RAPH1: variants seen among roughly 807,000 people sequenced by gnomAD.
The protein encoded by RAPH1 is ras-associated and pleckstrin homology domains-containing protein 1.
RAPH1 carries 18 observed loss-of-function variants against 88.1 expected under a neutral mutation model. The ratio of observed to expected loss-of-function variants is 0.20; its 90% CI spans 0.14 to 0.30. The LOEUF (loss-of-function observed/expected upper bound fraction) is 0.30. Ranked by LOEUF, RAPH1 falls within the 10% of genes least tolerant of loss-of-function variation. RAPH1 has a pLI of 1.00. For missense variants in RAPH1, 1,448 were observed against 1,543.2 expected (o/e 0.94, Z 1.03); for synonymous variants, 587 against 559.0 (o/e 1.05, Z -0.71).
rs1689007093 is a variant in RAPH1 at position 203,506,529 on chromosome 2, C to CA, written c.1-11177dup. On this transcript the variant is annotated intron_variant, in intron 1 of 13. Transcript: ENST00000319170. ...AGCGAGACTCCGTCTCAAAAAAAAA[C>CA]AAAAAACAAAAAACAAAAAACAAGA... 3.4e-5 allele frequency among the ~76,000 whole-genome samples: 5 copies of CA among 148,344 alleles called. No homozygotes were observed. In the South Asian group the frequency reaches 1.1e-3, roughly 31 times the overall value.
intron 1 of RAPH1, among the ~76,000 whole-genome samples, chr2:203,516,683 G>C (rs1689624981): frequency 6.6e-6 from 1 of 151,996 alleles, no homozygotes; most frequent in African/African-American, 2.4e-5. Flanking sequence ...AGTGAGCTGA[G>C]ATAGCACCAC....
At chr2:203,494,108 CTT>C (rs1304087137) in intron 2 of RAPH1, among the ~76,000 whole-genome samples, 2 of 150,418 alleles carry the variant, frequency 1.3e-5, no homozygotes, top group African/African-American at 4.9e-5. Context: ...GAGTTTATCA[CTT>C]TGAATTCTAG....
intron 4 of RAPH1, among the ~76,000 whole-genome samples, chr2:203,471,335 C>A (rs911865452): frequency 2.6e-5 from 4 of 152,072 alleles, no homozygotes; most frequent in African/African-American, 4.8e-5. Context: ...TAGAGCAGCA[C>A]CCCCTATAAG....
chr2:203,461,063 C>T (rs1015155422), intron 6 of RAPH1, among the ~76,000 whole-genome samples, 186 bp downstream of exon 6: 1 of 151,908 alleles, frequency 6.6e-6, no homozygotes, highest in South Asian at 2.1e-4. Flanking sequence ...CTGCAGTGAC[C>T]CGAGATCGTG....
rs1380129761 is a variant in RAPH1 at position 203,440,130 on chromosome 2, A to G, written c.3060T>C (p.Pro1020=). 1 of 1,613,284 alleles carries G rather than the reference A, an allele frequency of 6.2e-7. No homozygotes were observed. The highest frequency in any genetic ancestry group is 1.7e-5 in the Admixed American group (1 of 60,002). ...TTCCAGGCTTGGGGGGTGCTGCAGG[A>G]GGTGGTAGGGTCTCCTTGCTGGGAG... ...SGSPSKETLP[P]PAAPPKPGKL... The change falls in exon 14 of 14, where the codon CCT becomes CCC. Residue 1020 remains proline (P), a synonymous_variant. Transcript: ENST00000319170.
intron 1 of RAPH1, among the ~76,000 whole-genome samples, chr2:203,504,266 T>G (rs1396220679): frequency 1.3e-5 from 2 of 152,234 alleles, no homozygotes; most frequent in African/African-American, 4.8e-5. Flanking sequence ...AACTTTTGCC[T>G]AGGCATCCAG....
chr2:203,456,656 T>A (rs1017461388), intron 8 of RAPH1, among the ~76,000 whole-genome samples: 31 of 152,174 alleles, frequency 2.0e-4, no homozygotes, highest in African/African-American at 7.2e-4. Flanking sequence ...ACAAGGCAGA[T>A]TTTTACTTAA....
At position 203,528,979 on chromosome 2, in the gene RAPH1, C is replaced by CTATA. The variant is rs71408946; in HGVS notation, c.-1+6128_-1+6131dup. Among the ~76,000 whole-genome samples, 548 of 61,180 alleles carry CTATA rather than the reference C, an allele frequency of 9.0e-3. 9 individuals are homozygous for CTATA. Among genetic ancestry groups the CTATA allele is most frequent in the South Asian group, 0.015 (21 of 1,390 alleles). The allele number at this position is 61,180 out of a possible 152,430, so 40.1% of individuals were successfully genotyped here. A position where few individuals can be genotyped will look rare whatever the true frequency, so the allele number is the denominator to read the frequency against. ...TCAAGTCATATTACTGGTTGTTTTGCTATATATATATATATATATATATAT... is the reference window on the plus strand; with the variant it reads ...TCAAGTCATATTACTGGTTGTTTTGCTATATATATATATATATATATATATATAT... On this transcript the variant is annotated intron_variant, in intron 1 of 13. Coordinates refer to ENST00000319170, the MANE Select transcript of RAPH1 (RefSeq NM_213589.3).
At chr2:203,511,964 T>C in intron 1 of RAPH1, among the ~76,000 whole-genome samples, 1 of 151,624 alleles carries the variant, frequency 6.6e-6, no homozygotes, top group East Asian at 1.9e-4. Flanking sequence ...ACAAAAAAAA[T>C]TAGCTGGGTG....
intron 4 of RAPH1, among the ~76,000 whole-genome samples, chr2:203,474,713 G>T (rs2098535873): frequency 6.6e-6 from 1 of 152,138 alleles, no homozygotes; most frequent in African/African-American, 2.4e-5. Flanking sequence ...CCTTTGAACA[G>T]AATTAAAAGC....
Position 203,439,785 on chromosome 2 carries a change from T to TCAA in RAPH1, c.3404_3405insTTG (p.Gln1135delinsHisTer). The TCAA allele has an allele frequency of 6.2e-7, 1 of 1,614,180 alleles. No individual in the cohort carries two copies. Among genetic ancestry groups the TCAA allele is most frequent in the Non-Finnish European group, 8.5e-7 (1 of 1,180,032 alleles). On this transcript the variant is annotated stop_gained and protein_altering_variant, in exon 14 of 14. Transcript: ENST00000319170. LOFTEE classifies it high-confidence loss of function. The stretch of plus-strand genomic sequence containing the variant: ...TTGTTGGCTGCTCAGAAATCTCAGC[T>TCAA]TGAGTGAGGCGGGTGCTATCATTCC...
At chr2:203,497,439 T>C (rs1485740268) in intron 1 of RAPH1, among the ~76,000 whole-genome samples, 1 of 152,224 alleles carries the variant, frequency 6.6e-6, no homozygotes, top group Non-Finnish European at 1.5e-5. Context: ...TTATCTGACA[T>C]GGTATCATCA....
At chr2:203,514,298 T>A (rs1237792636) in intron 1 of RAPH1, among the ~76,000 whole-genome samples, 4 of 152,236 alleles carry the variant, frequency 2.6e-5, no homozygotes, top group Non-Finnish European at 4.4e-5. Flanking sequence ...AAATGAAGTC[T>A]CAGGAGTTTA....
rs758546698 is a variant in RAPH1 at position 203,440,684 on chromosome 2, G to C, written c.2506C>G (p.Pro836Ala). The C allele has an allele frequency of 6.3e-7, 1 of 1,576,734 alleles. No individual in the cohort carries two copies. Among genetic ancestry groups the C allele is most frequent in the African/African-American group, 1.4e-5 (1 of 72,912 alleles). The change falls in exon 14 of 14, where the codon CCC (proline) becomes GCC (alanine). Residue 836 changes from proline to alanine, a missense_variant. This residue lies in a region of RAPH1 where 935 missense variants were observed against 890.1 expected (regional missense o/e 1.05). Transcript: ENST00000319170. ...TGTTGCTTGGGTAATGTTGGCGGGG[G>C]TACTGGAACAGGAGGGGTAGGGGGA... ...PSPPTPPVPV[P>A]PPTLPKQQSF...
chr2:203,489,846 G>A lies in RAPH1; in HGVS notation c.470C>T (p.Thr157Ile). 1 of 1,614,248 alleles carries A rather than the reference G, an allele frequency of 6.2e-7. No individual in the cohort carries two copies. Among genetic ancestry groups the A allele is most frequent in the Non-Finnish European group, 8.5e-7 (1 of 1,180,042 alleles). Residue 157 changes from threonine (T) to isoleucine (I), a missense_variant, in exon 4 of 14, where the codon ACT becomes ATT. Thr to Ile is a moderately conservative substitution (Grantham distance 89). Coordinates refer to ENST00000319170, the MANE Select transcript of RAPH1 (RefSeq NM_213589.3). ...CAAAGAGGCCTGTTCTAACTGTGCAGTGACGTCGTCCAAGGAGTAGCTGGC... is the reference window on the plus strand; with the variant it reads ...CAAAGAGGCCTGTTCTAACTGTGCAATGACGTCGTCCAAGGAGTAGCTGGC... Reference protein sequence around the residue: ...SHASYSLDDVTAQLEQASLSM... With the variant: ...SHASYSLDDVIAQLEQASLSM...
In RAPH1 at chr2:203,506,768, A is replaced by C. The variant is rs77406358; in HGVS notation, c.1-11415T>G. Among the ~76,000 whole-genome samples, 6 of 120,884 alleles carry C rather than the reference A, an allele frequency of 5.0e-5. 1 individual carries two copies. Among genetic ancestry groups the C allele is most frequent in the South Asian group, 2.4e-4 (1 of 4,240 alleles). The allele number at this position is 120,884 out of a possible 152,430, so 79.3% of individuals were successfully genotyped here. On this transcript the variant is annotated intron_variant, in intron 1 of 13. Coordinates refer to ENST00000319170, the MANE Select transcript of RAPH1 (RefSeq NM_213589.3). Reference sequence around the variant, plus strand: ...TATATATATATATATCTATATATATATCTATATATATCTAGATATATATAT... The same window carrying C: ...TATATATATATATATCTATATATATCTCTATATATATCTAGATATATATAT...
chr2:203,520,170 G>A (rs1281448392), intron 1 of RAPH1, among the ~76,000 whole-genome samples: 3 of 150,308 alleles, frequency 2.0e-5, no homozygotes, highest in African/African-American at 7.3e-5. Context: ...TGTACCAAAA[G>A]AAAAAAAAAT....
At chr2:203,489,544 T>G (rs1204666924) in intron 4 of RAPH1, 40 bp downstream of exon 4, 1 of 1,384,384 alleles carries the variant, frequency 7.2e-7, no homozygotes, top group East Asian at 2.4e-5. Flanking sequence ...CTCCTTTATT[T>G]TAATAACAAA....
chr2:203,471,792 T>A (rs913372031), intron 4 of RAPH1, among the ~76,000 whole-genome samples: 1 of 144,372 alleles, frequency 6.9e-6, no homozygotes, highest in East Asian at 2.0e-4. Context: ...TTTATAAGCA[T>A]AAATGCCCCT....
Sources: allele counts gnomAD v4.1 joint callset (sites outside exome capture counted in the v4.1 genomes callset), GRCh38; gene constraint gnomAD v4.1.1; regional missense constraint gnomAD v4.1.1; transcripts MANE v1.5; gene names NCBI Gene and HGNC (gene_info 2026-07-23, HGNC 2026-07-21).